The following CTNNA2 variants were observed in gnomAD, a reference collection of about 807,000 sequenced individuals.
CTNNA2 encodes the protein catenin alpha 2, also known as catenin alpha-2.
Under a neutral mutation model 101.0 loss-of-function variants are expected in CTNNA2, and 42 were observed. That is an observed-to-expected ratio of 0.42 (90% CI 0.32 to 0.54). CTNNA2 has a LOEUF of 0.54. Among genes scored for constraint, CTNNA2 ranks in the 20% least tolerant of loss-of-function variants. The pLI is 0.14. For synonymous variants in CTNNA2, 450 were observed against 456.4 expected, an observed-to-expected ratio of 0.99 and a Z score of 0.18; for missense variants, 871 against 1,223.1, an observed-to-expected ratio of 0.71 and a Z score of 4.29.
chr2:79,598,621 C>A (rs1029070235), intron 1 of CTNNA2, among the ~76,000 whole-genome samples: 10 of 152,152 alleles, frequency 6.6e-5, no homozygotes, highest in Non-Finnish European at 8.8e-5. Context: ...GGTGAGATAT[C>A]TTTTAAGGTC....
At chr2:79,677,282 A>G (rs1001237516) in intron 2 of CTNNA2, among the ~76,000 whole-genome samples, 1 of 152,142 alleles carries the variant, frequency 6.6e-6, no homozygotes, top group African/African-American at 2.4e-5. Context: ...CCTTCAGGCT[A>G]CGGAGTCCTG....
intron 3 of CTNNA2, among the ~76,000 whole-genome samples, chr2:79,336,278 G>A (rs551587603): frequency 6.6e-5 from 10 of 152,272 alleles, no homozygotes; most frequent in South Asian, 2.1e-4. Flanking sequence ...CTGCCATGGC[G>A]GGACAATAGG....
intron 2 of CTNNA2, among the ~76,000 whole-genome samples, chr2:79,712,557 G>A (rs1165300533): frequency 3.3e-5 from 5 of 152,082 alleles, no homozygotes. Flanking sequence ...GGATGAGGCA[G>A]TAGGATGAGG....
chr2:80,380,292 T>C (rs1390729255), intron 7 of CTNNA2, among the ~76,000 whole-genome samples: 1 of 152,134 alleles, frequency 6.6e-6, no homozygotes, highest in African/African-American at 2.4e-5. Flanking sequence ...CACCTTGGCC[T>C]CCCAAAGTGC....
At chr2:80,158,276 A>G (rs1241145975) in intron 7 of CTNNA2, among the ~76,000 whole-genome samples, 1 of 152,192 alleles carries the variant, frequency 6.6e-6, no homozygotes, top group Non-Finnish European at 1.5e-5. Context: ...ACACCCCCTT[A>G]AAGAGTTTTG....
intron 2 of CTNNA2, among the ~76,000 whole-genome samples, chr2:79,230,702 G>A (rs1459251190): frequency 6.6e-6 from 1 of 152,136 alleles, no homozygotes; most frequent in African/African-American, 2.4e-5. Context: ...CATGTGCCTG[G>A]AAAAGCCACA....
intron 7 of CTNNA2, among the ~76,000 whole-genome samples, chr2:80,075,608 ACATGTAT>A (rs1698648991): frequency 1.3e-4 from 14 of 108,640 alleles, no homozygotes; most frequent in African/African-American, 1.6e-4. Context: ...AAATATTTAT[ACATGTAT>A]AAATATAAAT....
At chr2:80,036,017 CATGACGGTCTCATCAGGGCTTTCTGAGG>C (rs1359910131) in intron 7 of CTNNA2, among the ~76,000 whole-genome samples, 1 of 152,220 alleles carries the variant, frequency 6.6e-6, no homozygotes, top group East Asian at 1.9e-4. Context: ...TTCAGTCCCA[CATGACGGTCTCATCAGGGCTTTCTGAGG>C]ATTGGGTCTA....
At chr2:79,735,118 A>G (rs527401819) in intron 2 of CTNNA2, among the ~76,000 whole-genome samples, 2 of 152,288 alleles carry the variant, frequency 1.3e-5, no homozygotes, top group East Asian at 3.9e-4. Context: ...TAAGCAAACT[A>G]AATGTTTCTC....
In CTNNA2 at chr2:80,595,831, C is replaced by T. The variant is rs192246206; in HGVS notation, c.2189+6346C>T. The stretch of plus-strand genomic sequence containing the variant: ...CAGCTTTGTCCTTTTTGCTTAGGAT[C>T]GTCTTGGCTATACAGGCTTTTTTTG... On this transcript the variant is annotated intron_variant, in intron 15 of 18. Coordinates refer to ENST00000402739, the MANE Select transcript of CTNNA2 (RefSeq NM_001282597.3). Among the ~76,000 whole-genome samples, 168 of 152,064 alleles carry T rather than the reference C, an allele frequency of 1.1e-3. 1 individual carries two copies. The highest frequency in any genetic ancestry group is 3.4e-3 in the Middle Eastern group (1 of 294).
intron 7 of CTNNA2, among the ~76,000 whole-genome samples, chr2:80,107,489 C>T: frequency 6.6e-6 from 1 of 152,142 alleles, no homozygotes; most frequent in Admixed American, 6.5e-5. Context: ...GGAAGATTAC[C>T]TGCCCATCCT....
At chr2:79,526,659 G>A (rs970503811) in intron 1 of CTNNA2, among the ~76,000 whole-genome samples, 20 of 152,138 alleles carry the variant, frequency 1.3e-4, no homozygotes, top group Non-Finnish European at 2.9e-4. Flanking sequence ...TGAGCATTCC[G>A]AAATAAACCC....
intron 1 of CTNNA2, among the ~76,000 whole-genome samples, chr2:79,193,466 G>T (rs541061778): frequency 6.6e-6 from 1 of 152,150 alleles, no homozygotes. Flanking sequence ...GGAACAGTAG[G>T]CTATATCATG....
At chr2:80,341,236 C>T (rs1672210626) in intron 7 of CTNNA2, among the ~76,000 whole-genome samples, 1 of 152,118 alleles carries the variant, frequency 6.6e-6, no homozygotes, top group African/African-American at 2.4e-5. Context: ...CTCCTACCTC[C>T]TCCCCAGAGG....
chr2:80,555,863 T>C lies in CTNNA2; in HGVS notation c.1711T>C (p.Leu571=), dbSNP rs1016825641. The change falls in exon 12 of 19, where the codon TTG becomes CTG. Residue 571 remains leucine (L), a synonymous_variant. Coordinates refer to ENST00000402739, the MANE Select transcript of CTNNA2 (RefSeq NM_001282597.3). ...YEAGVYTEKV[L]EATKLLSETV... is the part of the protein sequence containing the mutation. Reference sequence around the variant, plus strand: ...AGCTGGGGTTTATACTGAGAAGGTGTTGGAAGCTACAAAATTGCTTTCTGA... The same window carrying C: ...AGCTGGGGTTTATACTGAGAAGGTGCTGGAAGCTACAAAATTGCTTTCTGA... 8.9e-6 allele frequency: 14 copies of C among 1,564,304 alleles called. No homozygotes were observed. Among genetic ancestry groups the C allele is most frequent in the Non-Finnish European group, 1.2e-5 (14 of 1,154,020 alleles).
intron 2 of CTNNA2, among the ~76,000 whole-genome samples, chr2:79,225,992 C>A (rs1674403938): frequency 6.6e-6 from 1 of 152,154 alleles, no homozygotes. Context: ...ACCAACATCT[C>A]TGTCTACTAG....
chr2:79,566,621 G>A (rs1167481376), intron 1 of CTNNA2, among the ~76,000 whole-genome samples: 3 of 152,054 alleles, frequency 2.0e-5, no homozygotes, highest in Admixed American at 2.0e-4. Context: ...TAGGGAGGCA[G>A]TCATATGAGA....
chr2:79,616,975 C>T (rs1226269320), intron 1 of CTNNA2, among the ~76,000 whole-genome samples: 1 of 151,336 alleles, frequency 6.6e-6, no homozygotes, highest in East Asian at 2.0e-4. Flanking sequence ...AATCTCGGCT[C>T]ACTGCAACCT....
At chr2:79,958,814 G>C (rs1689428201) in intron 7 of CTNNA2, among the ~76,000 whole-genome samples, 1 of 151,636 alleles carries the variant, frequency 6.6e-6, no homozygotes, top group Non-Finnish European at 1.5e-5. Context: ...TATCATTCCA[G>C]GTTGTTGAGA....
Sources: gnomAD v4.1 joint callset for allele counts (sites outside exome capture counted in the v4.1 genomes callset) on GRCh38, gnomAD v4.1.1 for gene constraint, MANE v1.5 for transcripts, NCBI Gene and HGNC (gene_info 2026-07-23, HGNC 2026-07-21) for gene names.